PTAFR: variants seen among roughly 807,000 people sequenced by gnomAD.
PTAFR encodes the protein platelet activating factor receptor.
Under a neutral mutation model 14.7 loss-of-function variants are expected in PTAFR, and 8 were observed. That is an observed-to-expected ratio of 0.54 (90% CI 0.32 to 0.98). The LOEUF is 0.98. Among genes scored for constraint, PTAFR ranks in the 50% least tolerant of loss-of-function variants. The pLI is 0.04. For synonymous variants in PTAFR, 156 were observed against 176.5 expected (o/e 0.88, Z 0.92); for missense variants, 337 against 451.2 (o/e 0.75, Z 2.29).
chr1:28,188,047 CA>C (rs1646621000), intron 1 of PTAFR, among the ~76,000 whole-genome samples: 1 of 151,766 alleles, frequency 6.6e-6, no homozygotes, highest in Non-Finnish European at 1.5e-5. Context: ...AGCAGTGGCT[CA>C]CACCTGTAAC....
Position 28,149,257 on chromosome 1 carries a change from C to A in PTAFR, c.*736G>T, listed in dbSNP as rs959570891. 5 of 150,500 alleles carry A rather than the reference C, an allele frequency of 3.3e-5. No individual in the cohort carries two copies. The highest frequency in any genetic ancestry group is 1.2e-4 in the African/African-American group (5 of 40,888). The allele number at this position is 150,500 out of a possible 1,614,324, so 9.3% of individuals were successfully genotyped here. On this transcript the variant is annotated 3_prime_UTR_variant, in exon 2 of 2. Transcript: ENST00000373857. ...TCAAAAGTCTGCCCCAAGGTAGTGC[C>A]ATACAGTGAGGGCAGTGTCCTTTCC...
At chr1:28,184,984 C>G (rs894258395) in intron 1 of PTAFR, among the ~76,000 whole-genome samples, 1 of 152,054 alleles carries the variant, frequency 6.6e-6, no homozygotes. Flanking sequence ...CCTGGACCAC[C>G]CTTCCTCAGA....
chr1:28,154,223 GAAGT>G (rs1334906427), intron 1 of PTAFR, among the ~76,000 whole-genome samples: 1 of 152,082 alleles, frequency 6.6e-6, no homozygotes, highest in Non-Finnish European at 1.5e-5. Flanking sequence ...TTTGCCATAG[GAAGT>G]AAGATCCCAT....
At chr1:28,173,679 C>T (rs1393042885) in intron 1 of PTAFR, among the ~76,000 whole-genome samples, 1 of 149,308 alleles carries the variant, frequency 6.7e-6, no homozygotes, top group East Asian at 2.0e-4. Flanking sequence ...GGAGGGGGGG[C>T]GGGGTATGCA....
intron 1 of PTAFR, among the ~76,000 whole-genome samples, chr1:28,173,465 CAAAACAAAAACA>C (rs377112636): frequency 1.7e-3 from 256 of 151,822 alleles, no homozygotes; most frequent in African/African-American, 5.4e-3. Flanking sequence ...ACAAACAAAA[CAAAACAAAAACA>C]AAAACAAAAA....
intron 1 of PTAFR, among the ~76,000 whole-genome samples, chr1:28,188,237 G>T (rs1646622357): frequency 6.6e-6 from 1 of 152,214 alleles, no homozygotes; most frequent in Admixed American, 6.5e-5. Context: ...CTTGAACCCA[G>T]GAGTTCGAGA....
chr1:28,161,360 A>G (rs1016820751), intron 1 of PTAFR, among the ~76,000 whole-genome samples: 3 of 152,214 alleles, frequency 2.0e-5, no homozygotes, highest in Admixed American at 6.5e-5. Flanking sequence ...GAAACAAAAC[A>G]AAGTTCCTGC....
In PTAFR at chr1:28,186,828, G is replaced by A. The variant is rs201915582; in HGVS notation, c.-39+6894C>T. Among the ~76,000 whole-genome samples, 18 of 152,324 alleles carry A rather than the reference G, an allele frequency of 1.2e-4. No individual in the cohort carries two copies. The East Asian group carries it at 3.3e-3, about 28-fold the overall frequency. ...TAATCCTTGCTTCTGCAGAGGCTGAGGCAGTAGGATCGCCTGAACCCGGGA... is the reference window on the plus strand; with the variant it reads ...TAATCCTTGCTTCTGCAGAGGCTGAAGCAGTAGGATCGCCTGAACCCGGGA... On this transcript the variant is annotated intron_variant, in intron 1 of 1. Transcript: ENST00000305392.
chr1:28,171,927 G>A (rs1646458269), intron 1 of PTAFR, among the ~76,000 whole-genome samples: 1 of 152,110 alleles, frequency 6.6e-6, no homozygotes, highest in Non-Finnish European at 1.5e-5. Context: ...GACAGGGCCA[G>A]GAAGAGGGAG....
chr1:28,188,771 C>T (rs1646627081), intron 1 of PTAFR, among the ~76,000 whole-genome samples: 1 of 151,780 alleles, frequency 6.6e-6, no homozygotes, highest in South Asian at 2.1e-4. Context: ...AGTCACAAAT[C>T]AGAAGATATT....
chr1:28,173,619 C>G (rs998426146), intron 1 of PTAFR, among the ~76,000 whole-genome samples: 12 of 149,974 alleles, frequency 8.0e-5, no homozygotes, highest in African/African-American at 2.5e-4. Flanking sequence ...CCACTGCATT[C>G]CAGCCTGCGT....
rs1330005713 is a variant in PTAFR, at chr1:28,148,432, C to T, written c.*1561G>A. 6.6e-6 allele frequency: 1 copy of T among 152,314 alleles called. No individual in the cohort carries two copies. The highest frequency in any genetic ancestry group is 2.4e-5 in the African/African-American group (1 of 41,442). 9.4% of individuals were successfully genotyped at this position (152,314 alleles called of 1,614,324 possible). A position where few individuals can be genotyped will look rare whatever the true frequency, so the allele number is the denominator to read the frequency against. On this transcript the variant is annotated 3_prime_UTR_variant, in exon 2 of 2. Coordinates refer to ENST00000373857, the MANE Select transcript of PTAFR (RefSeq NM_000952.5). ...CCCATGTGCCTGTTCGTATGGAAGC[C>T]CCTGGACATCGGGGTGTCCTGGCCT...
In PTAFR at chr1:28,147,920, T is replaced by C. The variant is rs1646134329; in HGVS notation, c.*2073A>G. On this transcript the variant is annotated 3_prime_UTR_variant, in exon 2 of 2. Transcript: ENST00000373857. Reference sequence around the variant, plus strand: ...GACTTGAACCAGGCTTGTGTGATGCTGCACTAGCCACCGGGTCATCCCATC... The same window carrying C: ...GACTTGAACCAGGCTTGTGTGATGCCGCACTAGCCACCGGGTCATCCCATC... 1 of 152,324 alleles carries C rather than the reference T, an allele frequency of 6.6e-6. No homozygotes were observed. Among genetic ancestry groups the C allele is most frequent in the African/African-American group, 2.4e-5 (1 of 41,420 alleles). The allele number at this position is 152,324 out of a possible 1,614,324, so 9.4% of individuals were successfully genotyped here. A position where few individuals can be genotyped will look rare whatever the true frequency, so the allele number is the denominator to read the frequency against.
At chr1:28,161,736 A>G (rs553189577) in intron 1 of PTAFR, among the ~76,000 whole-genome samples, 7 of 152,220 alleles carry the variant, frequency 4.6e-5, no homozygotes, top group Non-Finnish European at 8.8e-5. Context: ...CATGAAGTCA[A>G]TGAAGCTTAA....
At chr1:28,166,695 G>C (rs1203245358) in intron 1 of PTAFR, among the ~76,000 whole-genome samples, 1 of 151,740 alleles carries the variant, frequency 6.6e-6, no homozygotes, top group African/African-American at 2.4e-5. Context: ...CTTCACAACA[G>C]GCCAGATACA....
chr1:28,190,872 C>A (rs892003703), intron 1 of PTAFR, among the ~76,000 whole-genome samples: 1 of 152,198 alleles, frequency 6.6e-6, no homozygotes, highest in Middle Eastern at 3.2e-3. Context: ...GAGTTTCAAT[C>A]TCACCTCTGC....
At chr1:28,158,990 T>C (rs547797200) in intron 1 of PTAFR, among the ~76,000 whole-genome samples, 1 of 152,240 alleles carries the variant, frequency 6.6e-6, no homozygotes, top group Admixed American at 6.5e-5. Context: ...TGAGAGTTAT[T>C]TGGGAAATCA....
In PTAFR at chr1:28,150,066, C is replaced by T. The variant is rs1646162191; in HGVS notation, c.956G>A (p.Arg319Gln). The change falls in exon 2 of 2, where the codon CGG becomes CAG. Residue 319 changes from arginine (R) to glutamine (Q), a missense_variant. Transcript: ENST00000373857. The surrounding 1 kb of genome is among the most constrained non-coding windows in gnomAD (Gnocchi z 6.3). Reference protein sequence around the residue: ...YSMRSSRKCSRATTDTVTEVV... With the variant: ...YSMRSSRKCSQATTDTVTEVV... Reference sequence around the variant, plus strand: ...TTCAGTGACCGTATCCGTGGTGGCCCGGGAGCATTTCCGGCTACTGCGCAT... The same window carrying T: ...TTCAGTGACCGTATCCGTGGTGGCCTGGGAGCATTTCCGGCTACTGCGCAT... 5.0e-6 allele frequency: 8 copies of T among 1,613,984 alleles called. No homozygotes were observed. Among genetic ancestry groups the T allele is most frequent in the Admixed American group, 1.7e-5 (1 of 59,988 alleles).
chr1:28,154,497 C>T (rs996574302), intron 1 of PTAFR, among the ~76,000 whole-genome samples: 4 of 152,062 alleles, frequency 2.6e-5, no homozygotes, highest in Non-Finnish European at 2.9e-5. Flanking sequence ...AAACAAACAC[C>T]GTTGTTATAC....
Sources: allele counts gnomAD v4.1 joint callset (sites outside exome capture counted in the v4.1 genomes callset), GRCh38; gene constraint gnomAD v4.1.1; non-coding constraint Gnocchi (gnomAD v3.1); transcripts MANE v1.5; gene names NCBI Gene and HGNC (gene_info 2026-07-23, HGNC 2026-07-21).